GATAD2A: variants seen among roughly 807,000 people sequenced by gnomAD.
The protein encoded by GATAD2A is GATA zinc finger domain containing 2A, also known as transcriptional repressor p66-alpha.
Under a neutral mutation model 68.5 loss-of-function variants are expected in GATAD2A, and 12 were observed. The ratio of observed to expected loss-of-function variants is 0.18; its 90% CI spans 0.11 to 0.28. GATAD2A has a LOEUF of 0.28. GATAD2A is among the 10% of genes least tolerant of loss of function. The pLI, the probability that GATAD2A is intolerant of heterozygous loss-of-function variation, is 1.00. For missense variants in GATAD2A, 755 were observed against 868.5 expected (o/e 0.87, Z 1.64); for synonymous variants, 410 against 375.3 (o/e 1.09, Z -1.07).
At chr19:19,439,238 A>G (rs1199048446) in intron 1 of GATAD2A, among the ~76,000 whole-genome samples, 1 of 152,142 alleles carries the variant, frequency 6.6e-6, no homozygotes, top group African/African-American at 2.4e-5. Context: ...TCTGCCCTTG[A>G]ATTTGGCCTG....
At chr19:19,442,760 C>A (rs1292317279) in intron 1 of GATAD2A, among the ~76,000 whole-genome samples, 18 of 149,372 alleles carry the variant, frequency 1.2e-4, no homozygotes, top group African/African-American at 3.7e-4. Flanking sequence ...TGTAGCAGGA[C>A]CCCCCAAGCT....
chr19:19,467,581 C>G (rs552591337), intron 2 of GATAD2A, among the ~76,000 whole-genome samples: 1 of 152,166 alleles, frequency 6.6e-6, no homozygotes, highest in African/African-American at 2.4e-5. Context: ...TTGTGCATAC[C>G]AGTAGTTAAT....
chr19:19,457,433 G>A (rs1213027178), intron 1 of GATAD2A, among the ~76,000 whole-genome samples: 1 of 152,136 alleles, frequency 6.6e-6, no homozygotes, highest in African/African-American at 2.4e-5. Context: ...CACTTCAGGT[G>A]AAAGCAGTGT....
At chr19:19,502,159 C>A in intron 10 of GATAD2A, 116 bp downstream of exon 10, 1 of 902,072 alleles carries the variant, frequency 1.1e-6, no homozygotes, top group African/African-American at 1.6e-5. Context: ...CTGTTTCACT[C>A]TCTCCCCTCC....
At chr19:19,407,033 C>T (rs1350892445) in intron 1 of GATAD2A, among the ~76,000 whole-genome samples, 16 of 152,200 alleles carry the variant, frequency 1.1e-4, no homozygotes, top group Admixed American at 1.0e-3. Context: ...AATTTTCTTT[C>T]TTCCTACCAG....
chr19:19,421,051 C>T (rs556150084), intron 1 of GATAD2A, among the ~76,000 whole-genome samples: 15 of 152,306 alleles, frequency 9.8e-5, no homozygotes, highest in Admixed American at 4.6e-4. Flanking sequence ...TAACTTTCTC[C>T]GTTGAGGGTC....
chr19:19,440,196 G>A (rs1310625417), intron 1 of GATAD2A: 2 of 403,150 alleles, frequency 5.0e-6, no homozygotes, highest in Non-Finnish European at 9.9e-6. Flanking sequence ...AAGAGATGGA[G>A]TGTGCTGTCA....
At chr19:19,502,241 T>G (rs935281360) in intron 10 of GATAD2A, 90 bp from the exon 11 acceptor site, 148 of 1,115,348 alleles carry the variant, frequency 1.3e-4, no homozygotes, top group Non-Finnish European at 1.8e-4. Flanking sequence ...TGGGAAGAGG[T>G]CAGCCAGAGC....
intron 8 of GATAD2A, among the ~76,000 whole-genome samples, chr19:19,500,361 C>G (rs2060445718): frequency 6.6e-6 from 1 of 152,184 alleles, no homozygotes; most frequent in African/African-American, 2.4e-5. Flanking sequence ...GGCCGAGAGT[C>G]TCGCCACATC....
At chr19:19,393,637 C>A (rs985990441) in intron 1 of GATAD2A, among the ~76,000 whole-genome samples, 2 of 152,082 alleles carry the variant, frequency 1.3e-5, no homozygotes, top group Non-Finnish European at 2.9e-5. Context: ...TTGAGAATAT[C>A]CCTAAGTGCT....
At chr19:19,402,762 T>G (rs1216188337), upstream of GATAD2A, among the ~76,000 whole-genome samples, 3 of 144,946 alleles carry the variant, frequency 2.1e-5, no homozygotes, top group African/African-American at 2.5e-5. Context: ...TTTTTTTTTG[T>G]TTTTGTTTTT....
intron 1 of GATAD2A, among the ~76,000 whole-genome samples, chr19:19,396,862 C>G (rs755079321): frequency 1.3e-5 from 2 of 152,062 alleles, no homozygotes; most frequent in African/African-American, 4.8e-5. Flanking sequence ...GCGCCTGCCA[C>G]CATGCAGGGC....
chr19:19,499,927 C>CT (rs1327530358), intron 8 of GATAD2A, among the ~76,000 whole-genome samples: 1 of 152,214 alleles, frequency 6.6e-6, no homozygotes, highest in Non-Finnish European at 1.5e-5. Flanking sequence ...CGGCTGGTGC[C>CT]TTTGGTGCCT....
At chr19:19,476,813 T>G (rs2058706608) in intron 2 of GATAD2A, among the ~76,000 whole-genome samples, 1 of 152,222 alleles carries the variant, frequency 6.6e-6, no homozygotes, top group Non-Finnish European at 1.5e-5. Flanking sequence ...GGGCAGTGTT[T>G]TCCCGGTTAG....
intron 2 of GATAD2A, among the ~76,000 whole-genome samples, chr19:19,484,272 GAAAATTGAAA>G (rs1264065093): frequency 6.6e-6 from 1 of 151,898 alleles, no homozygotes; most frequent in Non-Finnish European, 1.5e-5. Flanking sequence ...ATCAAAAATT[GAAAATTGAAA>G]AAAATTAGCC....
chr19:19,409,955 A>G (rs890700213), intron 1 of GATAD2A, among the ~76,000 whole-genome samples: 1 of 152,192 alleles, frequency 6.6e-6, no homozygotes, highest in Admixed American at 6.5e-5. Context: ...AATTTACCCT[A>G]ATAGAATACC....
chr19:19,399,162 T>C (rs2049508467), intron 1 of GATAD2A, among the ~76,000 whole-genome samples: 1 of 152,026 alleles, frequency 6.6e-6, no homozygotes, highest in South Asian at 2.1e-4. Context: ...AGGTGGAGGT[T>C]GCAGTGAGCC....
chr19:19,444,382 G>A (rs555277658), intron 1 of GATAD2A, among the ~76,000 whole-genome samples: 92 of 152,104 alleles, frequency 6.0e-4, no homozygotes, highest in Non-Finnish European at 1.2e-3. Flanking sequence ...GCCTCTCTCC[G>A]GTATGTGCTG....
At chr19:19,389,464 T>C (rs1308735495) in intron 1 of GATAD2A, among the ~76,000 whole-genome samples, 1 of 152,204 alleles carries the variant, frequency 6.6e-6, no homozygotes, top group Non-Finnish European at 1.5e-5. Flanking sequence ...TGAAGACTCC[T>C]GCCGAGGCTA....
Sources: allele counts gnomAD v4.1 joint callset (sites outside exome capture counted in the v4.1 genomes callset), GRCh38; gene constraint gnomAD v4.1.1; transcripts MANE v1.5; gene names NCBI Gene and HGNC (gene_info 2026-07-23, HGNC 2026-07-21).